Variants in LRP1B observed in about 807,000 individuals in gnomAD.
LRP1B encodes LDL receptor related protein 1B.
In LRP1B, 217 loss-of-function variants were observed where a neutral mutation model predicts 556.6. The ratio of observed to expected loss-of-function variants is 0.39; its 90% CI spans 0.35 to 0.44. LRP1B has a LOEUF of 0.44. Among genes scored for constraint, LRP1B ranks in the 20% least tolerant of loss-of-function variants. The pLI is 1.00. For synonymous variants in LRP1B, 2,047 were observed against 1,865.8 expected, an observed-to-expected ratio of 1.10 and a Z score of -2.50; for missense variants, 5,053 against 5,620.8, an observed-to-expected ratio of 0.90 and a Z score of 3.23.
chr2:141,399,601 T>A (rs1055259730), intron 3 of LRP1B, among the ~76,000 whole-genome samples: 4 of 152,088 alleles, frequency 2.6e-5, no homozygotes, highest in Admixed American at 2.6e-4. Context: ...CCCAAACCTA[T>A]AGAAACACTT....
At chr2:140,808,344 T>G (rs1690798813) in intron 32 of LRP1B, among the ~76,000 whole-genome samples, 1 of 147,192 alleles carries the variant, frequency 6.8e-6, no homozygotes, top group African/African-American at 2.7e-5. Flanking sequence ...TTATGTTTTA[T>G]ATTTTTTTAA....
chr2:140,785,344 A>C (rs992595001), intron 32 of LRP1B, among the ~76,000 whole-genome samples: 6 of 152,160 alleles, frequency 3.9e-5, no homozygotes, highest in African/African-American at 1.2e-4. Flanking sequence ...GGAAATTGAG[A>C]GAGAGGCAAA....
intron 1 of LRP1B, among the ~76,000 whole-genome samples, chr2:142,059,447 A>C (rs1447683924): frequency 6.6e-6 from 1 of 152,088 alleles, no homozygotes; most frequent in Non-Finnish European, 1.5e-5. Context: ...AATTGACAAA[A>C]TGGTTTTTGG....
chr2:141,904,667 A>G (rs1044788350), intron 1 of LRP1B, among the ~76,000 whole-genome samples: 2 of 151,898 alleles, frequency 1.3e-5, no homozygotes, highest in African/African-American at 2.4e-5. Flanking sequence ...TCGCCTATGG[A>G]AAGAATGAAG....
intron 77 of LRP1B, among the ~76,000 whole-genome samples, chr2:140,344,084 A>T (rs28393923): frequency 0.018 from 2,752 of 151,896 alleles, 72 homozygotes; most frequent in African/African-American, 0.062. Flanking sequence ...TTATTTTATG[A>T]CAATTATAGC....
intron 1 of LRP1B, 36 bp from the exon 2 acceptor site, chr2:141,810,437 G>C (rs2105708021): frequency 6.2e-7 from 1 of 1,607,480 alleles, no homozygotes; most frequent in Non-Finnish European, 8.5e-7. Context: ...AAATATGAAT[G>C]ATCTGAACAT....
chr2:141,967,523 C>A (rs1181131813), intron 1 of LRP1B, among the ~76,000 whole-genome samples: 1 of 151,788 alleles, frequency 6.6e-6, no homozygotes, highest in African/African-American at 2.4e-5. Context: ...TCCTTTCAAT[C>A]TTTTCAAATG....
chr2:140,361,964 A>G (rs1182327594), intron 72 of LRP1B, among the ~76,000 whole-genome samples: 1 of 151,480 alleles, frequency 6.6e-6, no homozygotes, highest in African/African-American at 2.4e-5. Flanking sequence ...GACCCTTTCC[A>G]TTCAAATGGG....
At position 141,005,450 on chromosome 2, in the gene LRP1B, A is replaced by C. The variant is rs1446088160; in HGVS notation, c.2388T>G (p.Asn796Lys). ...IYDPRKQQGD[N>K]MCRVNNGGCS... The stretch of plus-strand genomic sequence containing the variant: ...AGCCCCCATTATTTACTCGGCACAT[A>C]TTGTCACCTGCAAGAGGAAGAAAGC... The change falls in exon 15 of 91, where the codon AAT (asparagine) becomes AAG (lysine). Residue 796 changes from asparagine (N) to lysine (K), a missense_variant. Coordinates refer to ENST00000389484, the MANE Select transcript of LRP1B (RefSeq NM_018557.3). 1 of 1,609,748 alleles carries C rather than the reference A, an allele frequency of 6.2e-7. No individual in the cohort carries two copies. The highest frequency in any genetic ancestry group is 8.5e-7 in the Non-Finnish European group (1 of 1,177,350).
chr2:142,084,732 C>A (rs1705845568), intron 1 of LRP1B, among the ~76,000 whole-genome samples: 2 of 152,110 alleles, frequency 1.3e-5, no homozygotes, highest in African/African-American at 2.4e-5. Context: ...CTAATTGGTC[C>A]CTTCGCCAAT....
At chr2:140,466,595 T>C (rs569133519) in intron 60 of LRP1B, among the ~76,000 whole-genome samples, 1 of 152,282 alleles carries the variant, frequency 6.6e-6, no homozygotes, top group South Asian at 2.1e-4. Context: ...AGTGGTAAAC[T>C]ATAGTTCAGA....
At chr2:141,881,428 C>T (rs1698953911) in intron 1 of LRP1B, among the ~76,000 whole-genome samples, 1 of 151,950 alleles carries the variant, frequency 6.6e-6, no homozygotes, top group Admixed American at 6.6e-5. Context: ...TGCATAGGAG[C>T]ATTATTCAGA....
chr2:141,798,536 G>A (rs1004083655), intron 2 of LRP1B, among the ~76,000 whole-genome samples: 19 of 151,488 alleles, frequency 1.3e-4, no homozygotes, highest in Non-Finnish European at 2.7e-4. Context: ...ATGAAACCCC[G>A]TCTCTACTAA....
intron 27 of LRP1B, among the ~76,000 whole-genome samples, chr2:140,858,352 A>G (rs1692680588): frequency 6.6e-6 from 1 of 151,994 alleles, no homozygotes; most frequent in South Asian, 2.1e-4. Context: ...AATATATGAA[A>G]TAAAGAGATG....
At chr2:141,475,711 GAGA>G (rs1682676743) in intron 3 of LRP1B, among the ~76,000 whole-genome samples, 2 of 152,242 alleles carry the variant, frequency 1.3e-5, no homozygotes, top group South Asian at 4.1e-4. Flanking sequence ...TGGTGAGGCA[GAGA>G]AGGAGAGAAG....
Position 140,720,644 on chromosome 2 carries a change from G to A in LRP1B, c.5759-3828C>T, listed in dbSNP as rs1687368436. Reference sequence around the variant, plus strand: ...GGTTCTGTCTGATAATAAGAAAAAGGAAATAAAAGTGTTTTAAAGATATTT... The same window carrying A: ...GGTTCTGTCTGATAATAAGAAAAAGAAAATAAAAGTGTTTTAAAGATATTT... On this transcript the variant is annotated intron_variant, in intron 35 of 90. Coordinates refer to ENST00000389484, the MANE Select transcript of LRP1B (RefSeq NM_018557.3). 2.0e-5 allele frequency among the ~76,000 whole-genome samples: 3 copies of A among 151,974 alleles called. No individual in the cohort carries two copies. In the South Asian group the frequency reaches 6.2e-4, roughly 31 times the overall value.
chr2:140,296,878 G>T lies in LRP1B; in HGVS notation c.12967+930C>A, dbSNP rs1223765063. ...GATCAAAGAAAAAATATAAATAGAA[G>T]AATTGTGGACAACAACTATATTTTC... On this transcript the variant is annotated intron_variant, in intron 84 of 90. Transcript: ENST00000389484. Among the ~76,000 whole-genome samples the T allele has an allele frequency of 3.3e-5, 5 of 152,028 alleles. No homozygotes were observed. In the East Asian group the frequency reaches 9.7e-4, roughly 29 times the overall value.
intron 83 of LRP1B, among the ~76,000 whole-genome samples, chr2:140,312,877 T>C (rs560192060): frequency 2.2e-4 from 34 of 151,970 alleles, no homozygotes; most frequent in Non-Finnish European, 4.0e-4. Flanking sequence ...ATTAGTGACA[T>C]TTCTTTTGTT....
intron 2 of LRP1B, among the ~76,000 whole-genome samples, chr2:141,527,203 A>G (rs936776411): frequency 1.3e-5 from 2 of 152,018 alleles, no homozygotes; most frequent in African/African-American, 4.8e-5. Context: ...TGCTTCCTTC[A>G]CCACCTATGA....
Sources: allele counts gnomAD v4.1 joint callset (sites outside exome capture counted in the v4.1 genomes callset), GRCh38; gene constraint gnomAD v4.1.1; transcripts MANE v1.5; gene names NCBI Gene and HGNC (gene_info 2026-07-23, HGNC 2026-07-21).